LRP1B: variants seen among roughly 807,000 people sequenced by gnomAD.
LRP1B encodes the protein low-density lipoprotein receptor-related protein 1B.
A neutral mutation model predicts 556.6 loss-of-function variants in LRP1B; 217 were observed. The observed-to-expected ratio is 0.39, with a 90% CI of 0.35 to 0.44. The LOEUF (loss-of-function observed/expected upper bound fraction) is 0.44, where lower values mean the gene tolerates loss of function less well. LRP1B is among the 20% of genes least tolerant of loss of function. LRP1B has a pLI of 1.00. For synonymous variants in LRP1B, 2,047 were observed against 1,865.8 expected (o/e 1.10, Z -2.50); for missense variants, 5,053 against 5,620.8 (o/e 0.90, Z 3.23).
At chr2:141,815,334 G>A (rs1046340900) in intron 1 of LRP1B, among the ~76,000 whole-genome samples, 2 of 152,184 alleles carry the variant, frequency 1.3e-5, no homozygotes, top group African/African-American at 4.8e-5. Flanking sequence ...AAGGTAGTGA[G>A]AGGTGAAGCC....
chr2:140,330,314 A>T (rs537718517), intron 79 of LRP1B, among the ~76,000 whole-genome samples: 1 of 151,764 alleles, frequency 6.6e-6, no homozygotes, highest in Admixed American at 6.6e-5. Flanking sequence ...GCATCACATT[A>T]CCTGACTTCA....
chr2:140,875,680 G>T (rs1329360235), intron 25 of LRP1B, among the ~76,000 whole-genome samples: 1 of 152,008 alleles, frequency 6.6e-6, no homozygotes, highest in Non-Finnish European at 1.5e-5. Flanking sequence ...ATCCTTTAAG[G>T]TGTTAGTTTC....
intron 1 of LRP1B, among the ~76,000 whole-genome samples, chr2:141,909,616 G>A (rs1699857192): frequency 6.8e-6 from 1 of 147,018 alleles, no homozygotes; most frequent in African/African-American, 2.5e-5. Context: ...GGGGCAGATG[G>A]CAGTAATTTT....
intron 22 of LRP1B, among the ~76,000 whole-genome samples, chr2:140,906,863 A>AT (rs1559186797): frequency 6.6e-6 from 1 of 151,198 alleles, no homozygotes; most frequent in African/African-American, 2.4e-5. Flanking sequence ...TTTGTTCTTA[A>AT]TTTTTTTGTG....
In LRP1B at chr2:141,295,047, C is replaced by T. The variant is rs568403814; in HGVS notation, c.344-40406G>A. Among the ~76,000 whole-genome samples, 240 of 152,022 alleles carry T rather than the reference C, an allele frequency of 1.6e-3. 1 individual carries two copies. The highest frequency in any genetic ancestry group is 5.3e-3 in the African/African-American group (220 of 41,524). ...GCAAAAATATTTTTTATTAGTATAA[C>T]ATCTACCTTCATGAATCTTTGTATG... On this transcript the variant is annotated intron_variant, in intron 3 of 90. Transcript: ENST00000389484.
At chr2:140,958,894 C>T (rs754103575) in intron 18 of LRP1B, among the ~76,000 whole-genome samples, 2 of 151,200 alleles carry the variant, frequency 1.3e-5, no homozygotes, top group Admixed American at 6.6e-5. Flanking sequence ...AAACAGTGAA[C>T]GTATATATGA....
intron 41 of LRP1B, among the ~76,000 whole-genome samples, chr2:140,651,597 A>G (rs514478): frequency 0.77 from 115,382 of 149,864 alleles, 44,562 homozygotes; most frequent in East Asian, 0.89. Flanking sequence ...CCCAAAAAGT[A>G]AATAGGTAGA....
At chr2:140,872,085 T>A (rs867009638) in intron 25 of LRP1B, among the ~76,000 whole-genome samples, 15 of 38,302 alleles carry the variant, frequency 3.9e-4, no homozygotes, top group African/African-American at 7.4e-4. Flanking sequence ...ACCTTGTATT[T>A]TTTTTTTTTT....
At chr2:140,973,282 T>C (rs1327688580) in intron 18 of LRP1B, among the ~76,000 whole-genome samples, 1 of 151,880 alleles carries the variant, frequency 6.6e-6, no homozygotes. Context: ...CTCATGCCTT[T>C]GTTACTATGA....
At chr2:141,653,015 A>G (rs546519480) in intron 2 of LRP1B, among the ~76,000 whole-genome samples, 1 of 152,152 alleles carries the variant, frequency 6.6e-6, no homozygotes, top group East Asian at 1.9e-4. Flanking sequence ...TAATTTTCAT[A>G]ATACTTTATA....
At chr2:140,445,563 C>T (rs530818710) in intron 63 of LRP1B, among the ~76,000 whole-genome samples, 8 of 151,854 alleles carry the variant, frequency 5.3e-5, no homozygotes, top group African/African-American at 1.4e-4. Context: ...ATATACTATA[C>T]GTATATTATA....
intron 86 of LRP1B, among the ~76,000 whole-genome samples, chr2:140,264,584 C>G (rs1458545338): frequency 6.6e-6 from 1 of 152,036 alleles, no homozygotes; most frequent in Non-Finnish European, 1.5e-5. Context: ...TTTAAAGGCC[C>G]TATCTCCAAA....
chr2:141,547,768 T>C (rs1685603943), intron 2 of LRP1B, among the ~76,000 whole-genome samples: 1 of 152,218 alleles, frequency 6.6e-6, no homozygotes, highest in Non-Finnish European at 1.5e-5. Context: ...TCTCCTTTTA[T>C]TCCTTTGGTC....
chr2:141,003,723 G>A (rs1231581488), intron 15 of LRP1B, among the ~76,000 whole-genome samples: 1 of 151,948 alleles, frequency 6.6e-6, no homozygotes. Context: ...TCTTGGGTAT[G>A]TCTTTATCAG....
intron 2 of LRP1B, among the ~76,000 whole-genome samples, chr2:141,765,357 AG>A (rs2105603908): frequency 6.6e-6 from 1 of 152,322 alleles, no homozygotes; most frequent in East Asian, 1.9e-4. Context: ...TTTAGATAAA[AG>A]GTTTTTCATT....
intron 2 of LRP1B, among the ~76,000 whole-genome samples, chr2:141,547,867 G>T (rs1251498629): frequency 2.0e-5 from 3 of 152,080 alleles, no homozygotes; most frequent in Non-Finnish European, 2.9e-5. Flanking sequence ...CTAGTAGAAA[G>T]AAAATAAATG....
chr2:140,576,388 T>A (rs986056675), intron 43 of LRP1B, among the ~76,000 whole-genome samples: 3 of 152,206 alleles, frequency 2.0e-5, no homozygotes, highest in Admixed American at 1.3e-4. Flanking sequence ...AGGAGAACAA[T>A]TGTTGGTAAA....
At chr2:141,865,806 TG>T (rs1698395383) in intron 1 of LRP1B, among the ~76,000 whole-genome samples, 1 of 152,178 alleles carries the variant, frequency 6.6e-6, no homozygotes, top group South Asian at 2.1e-4. Flanking sequence ...AGAGGTTAAA[TG>T]GGTTTACACA....
chr2:140,917,666 G>A (rs1694618173), intron 21 of LRP1B, among the ~76,000 whole-genome samples: 1 of 152,130 alleles, frequency 6.6e-6, no homozygotes, highest in Non-Finnish European at 1.5e-5. Context: ...AAAAAGATCA[G>A]TAGCTTCCAG....
Sources: gnomAD v4.1 joint callset for allele counts (sites outside exome capture counted in the v4.1 genomes callset) on GRCh38, gnomAD v4.1.1 for gene constraint, MANE v1.5 for transcripts, NCBI Gene and HGNC (gene_info 2026-07-23, HGNC 2026-07-21) for gene names.